LSS: variants seen among roughly 807,000 people sequenced by gnomAD.
LSS encodes the protein lanosterol synthase.
A neutral mutation model predicts 110.3 loss-of-function variants in LSS; 90 were observed. That is an observed-to-expected ratio of 0.82 (90% CI 0.69 to 0.97). LSS has a LOEUF of 0.97. LSS is among the 50% of genes least tolerant of loss of function. LSS has a pLI of 0.00. For synonymous variants in LSS, 433 were observed against 400.0 expected, an observed-to-expected ratio of 1.08 and a Z score of -0.98; for missense variants, 927 against 990.0, an observed-to-expected ratio of 0.94 and a Z score of 0.85.
chr21:46,222,416 C>T (rs2123759470), intron 4 of LSS: 1 of 577,908 alleles, frequency 1.7e-6, no homozygotes, highest in East Asian at 2.9e-5. Flanking sequence ...GTCCTAACAG[C>T]CACAAAATCC....
chr21:46,196,522 GC>G (rs2079912251), intron 17 of LSS, among the ~76,000 whole-genome samples: 1 of 152,184 alleles, frequency 6.6e-6, no homozygotes, highest in Admixed American at 6.5e-5. Context: ...TGCAGACACA[GC>G]TGCAAACAGG....
intron 19 of LSS, among the ~76,000 whole-genome samples, chr21:46,195,351 T>C (rs2079894897): frequency 6.6e-6 from 1 of 152,130 alleles, no homozygotes; most frequent in Non-Finnish European, 1.5e-5. Flanking sequence ...AAGGCCGAGG[T>C]AGGAAGACTG....
At position 46,191,928 on chromosome 21, in the gene LSS, C is replaced by A; in HGVS notation, c.2020G>T (p.Val674Phe). The A allele has an allele frequency of 1.9e-6, 3 of 1,613,804 alleles. No individual in the cohort carries two copies. Among genetic ancestry groups the A allele is most frequent in the Non-Finnish European group, 2.5e-6 (3 of 1,179,938 alleles). The change falls in exon 21 of 22, where the codon GTC becomes TTC. Residue 674 changes from valine to phenylalanine, a missense_variant. By Grantham distance (50) the Val-to-Phe change is conservative. Transcript: ENST00000397728. Reference protein sequence around the residue: ...HPDIEAQERGVRCLLEKQLPN... With the variant: ...HPDIEAQERGFRCLLEKQLPN... ...AGCTGTTTCTCAAGTAGACACCGGA[C>A]TCCTCTCTCCTGGGCCTCGATGTCA...
chr21:46,195,147 G>GGGTT (rs2079892351), intron 19 of LSS, among the ~76,000 whole-genome samples: 1 of 152,228 alleles, frequency 6.6e-6, no homozygotes, highest in Non-Finnish European at 1.5e-5. Context: ...TTCCTACTCA[G>GGGTT]GGTTGGGAGG....
rs765635632 is a variant in LSS, at chr21:46,219,579, G to A, written c.551-7C>T. 9.6e-6 allele frequency: 15 copies of A among 1,561,754 alleles called. No individual in the cohort carries two copies. Among genetic ancestry groups the A allele is most frequent in the East Asian group, 7.1e-5 (3 of 42,448 alleles). ...GGGATGGCCACAGCACCACCTGAGC[G>A]GGGAGAGAATAGGCCCACGTCATCT... On this transcript the variant is annotated splice_polypyrimidine_tract_variant and splice_region_variant and intron_variant, in intron 5 of 21. Coordinates refer to ENST00000397728, the MANE Select transcript of LSS (RefSeq NM_002340.6).
rs1188899161 is a variant in LSS, at chr21:46,228,455, G to C, written c.159C>G (p.Ala53=). The part of the protein sequence containing the change: ...RAGREQTGLE[A]YALGLDTKNY... ...TTACGGTGTCCAGCCCCAGGGCGTA[G>C]GCTTCCAGGCCGGTCTGCTCGCGGC... Residue 53 remains alanine (A), a synonymous_variant, in exon 2 of 22, where the codon GCC becomes GCG. Transcript: ENST00000397728. The C allele has an allele frequency of 6.2e-7, 1 of 1,603,420 alleles. No individual in the cohort carries two copies. Among genetic ancestry groups the C allele is most frequent in the African/African-American group, 1.3e-5 (1 of 74,880 alleles).
In LSS at chr21:46,188,855, C is replaced by T. The variant is rs948929303; in HGVS notation, c.*2249G>A. Reference sequence around the variant, plus strand: ...GAAAACAATGCAGTGAAAGAAAGTTCCTCCTATGTGGACATTGTATCACGT... The same window carrying T: ...GAAAACAATGCAGTGAAAGAAAGTTTCTCCTATGTGGACATTGTATCACGT... On this transcript the variant is annotated 3_prime_UTR_variant, in exon 22 of 22. Transcript: ENST00000397728. The T allele has an allele frequency of 2.2e-6, 1 of 457,062 alleles. No individual in the cohort carries two copies. Among genetic ancestry groups the T allele is most frequent in the African/African-American group, 2.0e-5 (1 of 49,628 alleles). 28.3% of individuals were successfully genotyped at this position (457,062 alleles called of 1,614,324 possible).
intron 17 of LSS, among the ~76,000 whole-genome samples, chr21:46,202,071 G>A (rs1399909430): frequency 1.4e-5 from 2 of 145,380 alleles, no homozygotes; most frequent in Non-Finnish European, 3.0e-5. Context: ...TGGGATTACA[G>A]GCGTCAGCCA....
intron 20 of LSS, chr21:46,193,840 T>G: frequency 3.2e-5 from 13 of 409,586 alleles, no homozygotes; most frequent in South Asian, 2.2e-4. Context: ...CACAGGTGCC[T>G]GTGCATGCAT....
intron 5 of LSS, among the ~76,000 whole-genome samples, chr21:46,220,735 G>A (rs1406738601): frequency 2.9e-5 from 4 of 136,568 alleles, no homozygotes; most frequent in African/African-American, 1.0e-4. Flanking sequence ...TAGGCAAGAG[G>A]AGAGGTAGCC....
At chr21:46,221,677 T>A (rs1200224031) in intron 5 of LSS, 177 bp downstream of exon 5, 3 of 918,766 alleles carry the variant, frequency 3.3e-6, no homozygotes, top group East Asian at 2.7e-5. Context: ...TTTGCTTTTT[T>A]AAAAAATGAT....
intron 21 of LSS, 105 bp downstream of exon 21, chr21:46,191,776 G>T: frequency 1.0e-6 from 1 of 978,632 alleles, no homozygotes; most frequent in Non-Finnish European, 1.6e-6. Context: ...CCTCCCAAGT[G>T]TCCAAAGTAC....
Position 46,215,308 on chromosome 21 carries a change from A to G in LSS, c.893-10T>C, listed in dbSNP as rs1464497429. On this transcript the variant is annotated splice_polypyrimidine_tract_variant and intron_variant, in intron 8 of 21. Transcript: ENST00000397728. ...TACAGGTTGAGGAGCGCTACAGGGGACAGGGGTCAGTGGATGCCAGACACC... is the reference window on the plus strand; with the variant it reads ...TACAGGTTGAGGAGCGCTACAGGGGGCAGGGGTCAGTGGATGCCAGACACC... The G allele has an allele frequency of 1.3e-6, 2 of 1,580,012 alleles. No individual in the cohort carries two copies. Among genetic ancestry groups the G allele is most frequent in the East Asian group, 4.5e-5 (2 of 44,656 alleles).
chr21:46,189,232 C>A lies in LSS; in HGVS notation c.*1872G>T. The A allele has an allele frequency of 4.6e-6, 1 of 216,598 alleles. No individual in the cohort carries two copies. Among genetic ancestry groups the A allele is most frequent in the Middle Eastern group, 1.9e-3 (1 of 534 alleles). 13.4% of individuals were successfully genotyped at this position (216,598 alleles called of 1,614,324 possible). A position where few individuals can be genotyped will look rare whatever the true frequency, so the allele number is the denominator to read the frequency against. On this transcript the variant is annotated 3_prime_UTR_variant, in exon 22 of 22. Coordinates refer to ENST00000397728, the MANE Select transcript of LSS (RefSeq NM_002340.6). ...GATTTACATTTCATTTCTGGAAAAC[C>A]GTTTTGTACAGTCTGACCATGGCTA...
At position 46,188,614 on chromosome 21, in the gene LSS, AG is replaced by A; in HGVS notation, c.*2489del. On this transcript the variant is annotated 3_prime_UTR_variant, in exon 22 of 22. Transcript: ENST00000397728. ...CCCAGCACCGAGAAGCCGACGGGGG[AG>A]GAACAGACTCCTCTGCATTGTGATC... 2.1e-6 allele frequency: 1 copy of A among 470,220 alleles called. No homozygotes were observed. Among genetic ancestry groups the A allele is most frequent in the South Asian group, 1.6e-5 (1 of 64,476 alleles). The allele number at this position is 470,220 out of a possible 1,614,324, so 29.1% of individuals were successfully genotyped here.
At chr21:46,206,512 C>T (rs1202301603) in intron 16 of LSS, among the ~76,000 whole-genome samples, 160 bp downstream of exon 16, 1 of 152,232 alleles carries the variant, frequency 6.6e-6, no homozygotes, top group African/African-American at 2.4e-5. Context: ...GATGGAGGAG[C>T]GCAGAACAGC....
Position 46,188,909 on chromosome 21 carries a change from C to T in LSS, c.*2195G>A, listed in dbSNP as rs1236706733. 1 of 391,736 alleles carries T rather than the reference C, an allele frequency of 2.6e-6. No individual in the cohort carries two copies. Among genetic ancestry groups the T allele is most frequent in the Non-Finnish European group, 5.2e-6 (1 of 191,226 alleles). The allele number at this position is 391,736 out of a possible 1,614,324, so 24.3% of individuals were successfully genotyped here. A position where few individuals can be genotyped will look rare whatever the true frequency, so the allele number is the denominator to read the frequency against. On this transcript the variant is annotated 3_prime_UTR_variant, in exon 22 of 22. Transcript: ENST00000397728. ...TTTATCTTCCTGGATATGCTTATGGCCTTTAAAACATATTAAAATAGGCTA... is the reference window on the plus strand; with the variant it reads ...TTTATCTTCCTGGATATGCTTATGGTCTTTAAAACATATTAAAATAGGCTA...
At chr21:46,202,936 A>G (rs2123713626) in intron 17 of LSS, among the ~76,000 whole-genome samples, 1 of 152,370 alleles carries the variant, frequency 6.6e-6, no homozygotes, top group Middle Eastern at 3.4e-3. Flanking sequence ...ATGCAGAGGA[A>G]GCCCGCGATT....
At position 46,191,885 on chromosome 21, in the gene LSS, G is replaced by C. The variant is rs17293705; in HGVS notation, c.2063C>G (p.Pro688Arg). 7.4e-6 allele frequency: 12 copies of C among 1,612,802 alleles called. No individual in the cohort carries two copies. The South Asian group carries it at 1.3e-4, about 18-fold the overall frequency. ...CTCAGGTCCCTGGCGGCATACCTGCGGCCAGTCGCCATTGGGGAGCTGTTT... is the reference window on the plus strand; with the variant it reads ...CTCAGGTCCCTGGCGGCATACCTGCCGCCAGTCGCCATTGGGGAGCTGTTT... ...LEKQLPNGDW[P>R]QENIAGVFNK... The change falls in exon 21 of 22, where the codon CCG (proline) becomes CGG (arginine). Residue 688 changes from proline to arginine, a missense_variant. Pro to Arg is a moderately radical substitution (Grantham distance 103). Coordinates refer to ENST00000397728, the MANE Select transcript of LSS (RefSeq NM_002340.6).
Sources: gnomAD v4.1 joint callset for allele counts (sites outside exome capture counted in the v4.1 genomes callset) on GRCh38, gnomAD v4.1.1 for gene constraint, MANE v1.5 for transcripts, NCBI Gene and HGNC (gene_info 2026-07-23, HGNC 2026-07-21) for gene names.